The following SNCAIP variants were observed in gnomAD, a reference collection of about 807,000 sequenced individuals.
SNCAIP encodes the protein synuclein alpha interacting protein.
A neutral mutation model predicts 86.7 loss-of-function variants in SNCAIP; 43 were observed. That is an observed-to-expected ratio of 0.50 (90% CI 0.39 to 0.64). The LOEUF is 0.64. Among genes scored for constraint, SNCAIP ranks in the 30% least tolerant of loss-of-function variants. The pLI is 0.00. For missense variants in SNCAIP, 981 were observed against 1,103.1 expected, an observed-to-expected ratio of 0.89 and a Z score of 1.57; for synonymous variants, 417 against 427.2, an observed-to-expected ratio of 0.98 and a Z score of 0.29.
chr5:122,370,295 C>A (rs966480534), intron 1 of SNCAIP, among the ~76,000 whole-genome samples: 1 of 151,672 alleles, frequency 6.6e-6, no homozygotes, highest in Admixed American at 6.6e-5. Context: ...AATAGCCATG[C>A]AGTTTATTAC....
intron 2 of SNCAIP, among the ~76,000 whole-genome samples, chr5:122,399,694 T>C (rs574887368): frequency 1.1e-3 from 168 of 152,280 alleles, no homozygotes; most frequent in African/African-American, 4.0e-3. Flanking sequence ...AAATAAAATA[T>C]TGTCCACACT....
At chr5:122,320,961 C>G (rs545981223) in intron 1 of SNCAIP, among the ~76,000 whole-genome samples, 1 of 152,124 alleles carries the variant, frequency 6.6e-6, no homozygotes, top group Non-Finnish European at 1.5e-5. Context: ...GGGTCGGTCC[C>G]CCTGTTGTCT....
chr5:122,359,234 G>T (rs1315532813), intron 1 of SNCAIP, among the ~76,000 whole-genome samples: 5 of 151,878 alleles, frequency 3.3e-5, no homozygotes, highest in Non-Finnish European at 7.4e-5. Context: ...CTGAAGTGTA[G>T]ATTCTAGAAA....
chr5:122,448,665 ATATAT>A (rs1224325750), intron 8 of SNCAIP, among the ~76,000 whole-genome samples: 2 of 111,122 alleles, frequency 1.8e-5, no homozygotes, highest in Admixed American at 9.9e-5. Context: ...TATATATTAT[ATATAT>A]TATATATGTT....
At chr5:122,371,657 G>T (rs1017559746) in intron 1 of SNCAIP, 5 of 152,206 alleles carry the variant, frequency 3.3e-5, no homozygotes, top group Admixed American at 6.5e-5. Flanking sequence ...AATCTGACGT[G>T]TGTGGAAAGG....
At chr5:122,376,064 C>T (rs1366771664) in intron 1 of SNCAIP, among the ~76,000 whole-genome samples, 1 of 152,162 alleles carries the variant, frequency 6.6e-6, no homozygotes, top group Non-Finnish European at 1.5e-5. Flanking sequence ...CCACCTTGAC[C>T]TATTGAATCA....
chr5:122,403,825 A>T lies in SNCAIP; in HGVS notation c.90A>T (p.Glu30Asp). The T allele has an allele frequency of 6.2e-7, 1 of 1,613,876 alleles. No individual in the cohort carries two copies. Among genetic ancestry groups the T allele is most frequent in the Non-Finnish European group, 8.5e-7 (1 of 1,179,840 alleles). ...TCACATCACTCAAGACGATCCCAGA[A>T]CTGTGCCGAAGATGTGATACGCAAA... is the stretch of plus-strand genomic sequence containing the variant. ...YSVTSLKTIP[E>D]LCRRCDTQNE... Residue 30 changes from glutamate to aspartate, a missense_variant, in exon 3 of 11, where the codon GAA (glutamate) becomes GAT (aspartate). Coordinates refer to ENST00000261368, the MANE Select transcript of SNCAIP (RefSeq NM_005460.4).
chr5:122,429,374 A>G (rs1291558105), intron 5 of SNCAIP, among the ~76,000 whole-genome samples: 1 of 151,826 alleles, frequency 6.6e-6, no homozygotes, highest in Non-Finnish European at 1.5e-5. Flanking sequence ...ATAGAAAAAT[A>G]ATAGAGGACG....
At chr5:122,391,789 T>A (rs772537117) in intron 2 of SNCAIP, among the ~76,000 whole-genome samples, 7 of 152,168 alleles carry the variant, frequency 4.6e-5, no homozygotes, top group Non-Finnish European at 1.0e-4. Flanking sequence ...GCCACAAACT[T>A]CCTGCTGCTT....
At chr5:122,444,910 A>G (rs1452765720) in intron 8 of SNCAIP, 178 bp downstream of exon 8, 2 of 668,676 alleles carry the variant, frequency 3.0e-6, no homozygotes, top group Non-Finnish European at 2.7e-6. Context: ...TGAAGATGCC[A>G]TCTCTGCAGA....
intron 2 of SNCAIP, among the ~76,000 whole-genome samples, chr5:122,400,460 A>G (rs1001226642): frequency 6.6e-6 from 1 of 152,250 alleles, no homozygotes; most frequent in Non-Finnish European, 1.5e-5. Flanking sequence ...ACAGTTAATC[A>G]GTCCCTGTGT....
rs1160951140 is a variant in SNCAIP, at chr5:122,451,206, G to A, written c.2359G>A (p.Ala787Thr). 4 of 1,614,100 alleles carry A rather than the reference G, an allele frequency of 2.5e-6. 1 individual carries two copies. In the Admixed American group the frequency reaches 6.7e-5, roughly 27 times the overall value. ...TCAGCAGCCCAGCCCTGACAGTACT[G>A]CTGCCCAGAAAGTTGCCACAAGTCC... Reference protein sequence around the residue: ...DPQQPSPDSTAAQKVATSPKS... With the variant: ...DPQQPSPDSTTAQKVATSPKS... Residue 787 changes from alanine (A) to threonine (T), a missense_variant, in exon 10 of 11, where the codon GCT becomes ACT. By Grantham distance (58) the Ala-to-Thr change is moderately conservative. Transcript: ENST00000261368.
At chr5:122,405,669 AT>A (rs1772823114) in intron 3 of SNCAIP, among the ~76,000 whole-genome samples, 1 of 152,172 alleles carries the variant, frequency 6.6e-6, no homozygotes, top group Non-Finnish European at 1.5e-5. Context: ...ACTGGTAATA[AT>A]TTACTTTTAA....
chr5:122,354,449 C>T (rs1327322745), intron 1 of SNCAIP, among the ~76,000 whole-genome samples: 2 of 152,140 alleles, frequency 1.3e-5, no homozygotes, highest in African/African-American at 4.8e-5. Context: ...TGCGGGTAGA[C>T]TCATTCACAT....
intron 1 of SNCAIP, among the ~76,000 whole-genome samples, chr5:122,335,795 A>G (rs1265518673): frequency 6.6e-6 from 1 of 152,196 alleles, no homozygotes. Context: ...ACTCCATGCC[A>G]TCCAGTTATT....
chr5:122,463,839 A>G lies in SNCAIP; in HGVS notation c.*343A>G, dbSNP rs952875545. On this transcript the variant is annotated 3_prime_UTR_variant, in exon 11 of 11. Transcript: ENST00000261368. Reference sequence around the variant, plus strand: ...TTTTAAGAGTAGATTGATTCACCCTACCCACAGGACATTCACCAAGCCACT... The same window carrying G: ...TTTTAAGAGTAGATTGATTCACCCTGCCCACAGGACATTCACCAAGCCACT... The G allele has an allele frequency of 2.3e-4, 64 of 278,824 alleles. No homozygotes were observed. Among genetic ancestry groups the G allele is most frequent in the Admixed American group, 2.5e-4 (5 of 20,362 alleles). 17.3% of individuals were successfully genotyped at this position (278,824 alleles called of 1,614,324 possible).
At chr5:122,383,987 G>A (rs930423925) in intron 1 of SNCAIP, among the ~76,000 whole-genome samples, 3 of 152,342 alleles carry the variant, frequency 2.0e-5, no homozygotes, top group African/African-American at 4.8e-5. Flanking sequence ...GTCTATACAC[G>A]TTTTGTTAAT....
intron 1 of SNCAIP, among the ~76,000 whole-genome samples, chr5:122,367,364 G>T (rs1165699214): frequency 6.6e-6 from 1 of 152,136 alleles, no homozygotes; most frequent in African/African-American, 2.4e-5. Flanking sequence ...AATTGTGCTG[G>T]GTTAGGAACT....
Position 122,451,531 on chromosome 5 carries a change from C to G in SNCAIP, c.2684C>G (p.Thr895Ser). The G allele has an allele frequency of 1.2e-6, 2 of 1,613,824 alleles. No individual in the cohort carries two copies. Residue 895 changes from threonine (T) to serine (S), a missense_variant, in exon 10 of 11, where the codon ACC becomes AGC. Physicochemically the swap from Thr to Ser is moderately conservative, Grantham distance 58 (BLOSUM62 1). Transcript: ENST00000261368. ...CTGAAAACCTCTACATTGCCCTTGA[C>G]CTCACTTGGGAGGAAGACAGATGCC... ...NQLKTSTLPL[T>S]SLGRKTDAKG... is the part of the protein sequence containing the mutation.
Sources: gnomAD v4.1 joint callset for allele counts (sites outside exome capture counted in the v4.1 genomes callset) on GRCh38, gnomAD v4.1.1 for gene constraint, MANE v1.5 for transcripts, NCBI Gene and HGNC (gene_info 2026-07-23, HGNC 2026-07-21) for gene names.